The following SETBP1 variants were observed in gnomAD, a reference collection of about 807,000 sequenced individuals.
The protein encoded by SETBP1 is SET binding protein 1.
Under a neutral mutation model 101.0 loss-of-function variants are expected in SETBP1, and 9 were observed. The ratio of observed to expected loss-of-function variants is 0.09; its 90% CI spans 0.05 to 0.16. SETBP1 has a LOEUF of 0.16. Ranked by LOEUF, SETBP1 falls within the 10% of genes least tolerant of loss-of-function variation. The pLI, the probability that SETBP1 is intolerant of heterozygous loss-of-function variation, is 1.00. For missense variants in SETBP1, 1,858 were observed against 2,033.8 expected, an observed-to-expected ratio of 0.91 and a Z score of 1.66; for synonymous variants, 818 against 788.5, an observed-to-expected ratio of 1.04 and a Z score of -0.63.
chr18:44,802,132 G>C (rs2071619874), intron 2 of SETBP1, among the ~76,000 whole-genome samples: 1 of 152,190 alleles, frequency 6.6e-6, no homozygotes, highest in African/African-American at 2.4e-5. Flanking sequence ...TCAAGGTTCA[G>C]ATCAGAGCTG....
In SETBP1 at chr18:44,842,945, TG is replaced by T. The variant is rs533879723; in HGVS notation, c.487-26279del. Among the ~76,000 whole-genome samples, 4 of 152,244 alleles carry T rather than the reference TG, an allele frequency of 2.6e-5. 1 individual carries two copies. The highest frequency in any genetic ancestry group is 4.1e-4 in the South Asian group (2 of 4,828). On this transcript the variant is annotated intron_variant, in intron 2 of 5. Coordinates refer to ENST00000649279, the MANE Select transcript of SETBP1 (RefSeq NM_015559.3). ...CATGACCCTTGAGCTGGCAGAGCCA[TG>T]GGGGGACTCCTGGGGCTTCCCCTTC... is the stretch of plus-strand genomic sequence containing the variant.
intron 5 of SETBP1, among the ~76,000 whole-genome samples, chr18:45,061,367 T>C (rs1193244886): frequency 6.6e-6 from 1 of 152,178 alleles, no homozygotes; most frequent in Non-Finnish European, 1.5e-5. Flanking sequence ...CAGGCATTGG[T>C]TCTTGCCTCT....
intron 2 of SETBP1, among the ~76,000 whole-genome samples, chr18:44,739,997 A>G (rs902578528): frequency 6.6e-6 from 1 of 152,226 alleles, no homozygotes; most frequent in African/African-American, 2.4e-5. Flanking sequence ...AGAGGATGAG[A>G]TCGTCTTGTT....
At chr18:44,830,155 G>A (rs2072329312) in intron 2 of SETBP1, among the ~76,000 whole-genome samples, 1 of 152,162 alleles carries the variant, frequency 6.6e-6, no homozygotes, top group Non-Finnish European at 1.5e-5. Context: ...ATCTTTAATA[G>A]TGTACTAATC....
At chr18:44,834,878 C>T (rs558861850) in intron 2 of SETBP1, among the ~76,000 whole-genome samples, 4 of 152,178 alleles carry the variant, frequency 2.6e-5, no homozygotes, top group Admixed American at 2.6e-4. Context: ...GAGAGGGGAG[C>T]CAAGGGCAGT....
chr18:45,001,354 T>A (rs2072615292), intron 4 of SETBP1, among the ~76,000 whole-genome samples: 1 of 152,226 alleles, frequency 6.6e-6, no homozygotes, highest in African/African-American at 2.4e-5. Context: ...TAGGCCAGTA[T>A]ACAAAGTAAA....
At chr18:44,926,765 C>CA (rs1246320606) in intron 3 of SETBP1, among the ~76,000 whole-genome samples, 11 of 96,666 alleles carry the variant, frequency 1.1e-4, no homozygotes, top group Non-Finnish European at 1.8e-4. Context: ...AACAAACAAA[C>CA]AACAACAACA....
intron 2 of SETBP1, among the ~76,000 whole-genome samples, chr18:44,750,020 A>G (rs1331130412): frequency 6.6e-6 from 1 of 152,224 alleles, no homozygotes; most frequent in Non-Finnish European, 1.5e-5. Flanking sequence ...GGCTTGAAGA[A>G]CAGGAAAGAT....
intron 5 of SETBP1, among the ~76,000 whole-genome samples, chr18:45,044,424 T>G (rs945728452): frequency 6.6e-6 from 1 of 152,184 alleles, no homozygotes; most frequent in African/African-American, 2.4e-5. Flanking sequence ...TGAAAGGCAC[T>G]CCCTCCCGCA....
chr18:44,868,493 G>A (rs984897805), intron 2 of SETBP1, among the ~76,000 whole-genome samples: 1 of 152,004 alleles, frequency 6.6e-6, no homozygotes, highest in South Asian at 2.1e-4. Context: ...TCAGGAGTTC[G>A]AGACCAGTCT....
At chr18:44,686,494 C>G (rs1265699124) in intron 1 of SETBP1, among the ~76,000 whole-genome samples, 2 of 152,144 alleles carry the variant, frequency 1.3e-5, no homozygotes, top group African/African-American at 2.4e-5. Flanking sequence ...ATCCCCAGTT[C>G]CCAGAGCAAG....
chr18:44,850,379 C>T (rs12455556), intron 2 of SETBP1, among the ~76,000 whole-genome samples: 2 of 149,992 alleles, frequency 1.3e-5, no homozygotes, highest in Admixed American at 6.6e-5. Flanking sequence ...CTTTTTTTTT[C>T]TTTTTTTTTG....
intron 5 of SETBP1, among the ~76,000 whole-genome samples, chr18:45,052,659 C>T (rs1200259627): frequency 6.6e-6 from 1 of 152,216 alleles, no homozygotes; most frequent in African/African-American, 2.4e-5. Flanking sequence ...CATCCATCAT[C>T]TACTAACCAG....
upstream of SETBP1, chr18:44,680,252 G>C (rs1417878210): frequency 2.4e-4 from 36 of 147,916 alleles, no homozygotes; most frequent in Admixed American, 6.7e-4. Context: ...CCGAGCTAGG[G>C]CGGCCAGCTC....
chr18:44,951,618 G>A lies in SETBP1; in HGVS notation c.2278G>A (p.Ala760Thr). 6.2e-7 allele frequency: 1 copy of A among 1,614,168 alleles called. No individual in the cohort carries two copies. The highest frequency in any genetic ancestry group is 8.5e-7 in the Non-Finnish European group (1 of 1,180,038). The part of the protein sequence containing the change: ...RPVSSQPDVP[A>T]VPSNFQSLVA... Reference sequence around the variant, plus strand: ...TGTTTCTAGCCAGCCGGATGTTCCAGCCGTGCCTTCCAACTTTCAGTCACT... The same window carrying A: ...TGTTTCTAGCCAGCCGGATGTTCCAACCGTGCCTTCCAACTTTCAGTCACT... The change falls in exon 4 of 6, where the codon GCC becomes ACC. Residue 760 changes from alanine to threonine, a missense_variant. Physicochemically the swap from Ala to Thr is moderately conservative, Grantham distance 58 (BLOSUM62 0). Transcript: ENST00000649279. This position sits in a 1 kb window ranked among gnomAD's most constrained non-coding sequence, Gnocchi z 7.8.
At chr18:44,866,617 T>C (rs1057278425) in intron 2 of SETBP1, among the ~76,000 whole-genome samples, 11 of 152,140 alleles carry the variant, frequency 7.2e-5, no homozygotes, top group African/African-American at 2.7e-4. Context: ...TAGGAAGATA[T>C]CTACCTTCTG....
At chr18:44,957,090 A>G (rs1213391711) in intron 4 of SETBP1, among the ~76,000 whole-genome samples, 1 of 152,208 alleles carries the variant, frequency 6.6e-6, no homozygotes. Flanking sequence ...CAGAATTGGT[A>G]TAAGCCTTAT....
chr18:44,852,975 G>A (rs754303363), intron 2 of SETBP1, among the ~76,000 whole-genome samples: 2 of 152,220 alleles, frequency 1.3e-5, no homozygotes, highest in African/African-American at 4.8e-5. Flanking sequence ...AGGGAGATAA[G>A]TGGAATTCAA....
intron 2 of SETBP1, chr18:44,732,959 A>G (rs1242939866): frequency 6.6e-6 from 1 of 152,174 alleles, no homozygotes; most frequent in African/African-American, 2.4e-5. Flanking sequence ...CTCAAAAACC[A>G]GAGTCAGAGA....
Sources: allele counts gnomAD v4.1 joint callset (sites outside exome capture counted in the v4.1 genomes callset), GRCh38; gene constraint gnomAD v4.1.1; non-coding constraint Gnocchi (gnomAD v3.1); transcripts MANE v1.5; gene names NCBI Gene and HGNC (gene_info 2026-07-23, HGNC 2026-07-21).